Variants in AKAP19 observed in about 807,000 individuals in gnomAD.
The protein encoded by AKAP19 is small A-kinase anchoring protein.
chr2:190,057,399 T>C, the AKAP19 span: 2 of 1,613,568 alleles, frequency 1.2e-6, no homozygotes, highest in Admixed American at 1.7e-5. Flanking sequence ...TGGGGTTTGC[T>C]TGGTGTACCA....
the AKAP19 span, among the ~76,000 whole-genome samples, chr2:189,918,320 A>G: frequency 6.6e-6 from 1 of 151,958 alleles, no homozygotes; most frequent in African/African-American, 2.4e-5. Context: ...CTGGTTAGAG[A>G]ACTTTAGCTA....
At chr2:190,120,267 T>G in the AKAP19 span, among the ~76,000 whole-genome samples, 1 of 152,152 alleles carries the variant, frequency 6.6e-6, no homozygotes, top group African/African-American at 2.4e-5. Flanking sequence ...TCATCTGAGG[T>G]GTAAAAGTTT....
the AKAP19 span, among the ~76,000 whole-genome samples, chr2:189,976,829 C>T: frequency 7.2e-5 from 11 of 152,300 alleles, no homozygotes; most frequent in African/African-American, 1.4e-4. Context: ...GTTGGAAAAG[C>T]GCAGTATTAG....
chr2:190,019,514 G>C, the AKAP19 span, among the ~76,000 whole-genome samples: 1 of 151,978 alleles, frequency 6.6e-6, no homozygotes, highest in Non-Finnish European at 1.5e-5. Flanking sequence ...TGTATTGGCT[G>C]GTACCTCTGA....
chr2:190,084,690 TC>T, the AKAP19 span, among the ~76,000 whole-genome samples: 5 of 152,224 alleles, frequency 3.3e-5, no homozygotes, highest in Non-Finnish European at 7.3e-5. Flanking sequence ...GATTGTATTT[TC>T]CCAGAAAGTA....
chr2:190,088,575 A>G, the AKAP19 span, among the ~76,000 whole-genome samples: 9 of 152,242 alleles, frequency 5.9e-5, no homozygotes, highest in Non-Finnish European at 1.3e-4. Context: ...TTCCAAAAAT[A>G]AATTTGAGTC....
At chr2:190,126,323 A>AAAAAAAAAAAAAAC in the AKAP19 span, among the ~76,000 whole-genome samples, 1 of 141,670 alleles carries the variant, frequency 7.1e-6, no homozygotes, top group African/African-American at 2.6e-5. Flanking sequence ...AAAAAAAAAA[A>AAAAAAAAAAAAAAC]AGGTGTATAT....
the AKAP19 span, among the ~76,000 whole-genome samples, chr2:189,939,414 G>A: frequency 6.6e-6 from 1 of 150,816 alleles, no homozygotes; most frequent in Non-Finnish European, 1.5e-5. Flanking sequence ...CAACCTAGCA[G>A]TGGAAAAAAA....
the AKAP19 span, among the ~76,000 whole-genome samples, chr2:190,118,039 C>T: frequency 6.6e-6 from 1 of 152,160 alleles, no homozygotes; most frequent in African/African-American, 2.4e-5. Context: ...GGGGATATCA[C>T]CACCGATCCC....
the AKAP19 span, among the ~76,000 whole-genome samples, chr2:190,168,876 A>G: frequency 1.3e-5 from 2 of 152,094 alleles, no homozygotes; most frequent in African/African-American, 4.8e-5. Context: ...AGGAGTTCCA[A>G]ACTTTCTCAC....
At chr2:189,985,288 T>C in the AKAP19 span, among the ~76,000 whole-genome samples, 1 of 152,230 alleles carries the variant, frequency 6.6e-6, no homozygotes, top group Non-Finnish European at 1.5e-5. Flanking sequence ...TTGAGCTTTT[T>C]TTTCTGAGGA....
chr2:190,022,096 T>C, the AKAP19 span, among the ~76,000 whole-genome samples: 1 of 152,008 alleles, frequency 6.6e-6, no homozygotes, highest in African/African-American at 2.4e-5. Context: ...CATTAATCTA[T>C]GCATTAATTA....
At chr2:190,138,385 A>G in the AKAP19 span, among the ~76,000 whole-genome samples, 1 of 152,350 alleles carries the variant, frequency 6.6e-6, no homozygotes, top group South Asian at 2.1e-4. Flanking sequence ...TTGAAGGAGT[A>G]TACAGTAAGT....
At chr2:189,995,684 T>G in the AKAP19 span, among the ~76,000 whole-genome samples, 1 of 144,604 alleles carries the variant, frequency 6.9e-6, no homozygotes. Flanking sequence ...ACCTTGTGTG[T>G]TTTTTTTTTC....
At chr2:190,137,499 G>C in the AKAP19 span, among the ~76,000 whole-genome samples, 3 of 152,266 alleles carry the variant, frequency 2.0e-5, no homozygotes, top group South Asian at 6.2e-4. Context: ...GTAGCTTTCA[G>C]ACTTCTCCAA....
the AKAP19 span, chr2:190,200,191 GAATA>G: frequency 6.5e-7 from 1 of 1,549,178 alleles, no homozygotes; most frequent in East Asian, 2.3e-5. Context: ...GTGCTAGTTT[GAATA>G]AATGTGACAA....
the AKAP19 span, among the ~76,000 whole-genome samples, chr2:189,912,177 A>G: frequency 5.3e-5 from 8 of 151,974 alleles, no homozygotes; most frequent in Admixed American, 2.0e-4. Flanking sequence ...TTTTCATAGA[A>G]CCAATTCAGT....
At chr2:190,178,066 CA>C in the AKAP19 span, among the ~76,000 whole-genome samples, 2 of 152,150 alleles carry the variant, frequency 1.3e-5, no homozygotes, top group Non-Finnish European at 2.9e-5. This position sits in a 1 kb window ranked among gnomAD's most constrained non-coding sequence, Gnocchi z 6.3. Context: ...TCAGCACTTT[CA>C]AAATCCTGCA....
At chr2:189,945,547 TA>T in the AKAP19 span, among the ~76,000 whole-genome samples, 7 of 152,222 alleles carry the variant, frequency 4.6e-5, no homozygotes, top group African/African-American at 1.7e-4. Context: ...AGCCAAAGAC[TA>T]AAAAACTCTT....
Sources: allele counts gnomAD v4.1 joint callset (sites outside exome capture counted in the v4.1 genomes callset), GRCh38; gene constraint gnomAD v4.1.1; non-coding constraint Gnocchi (gnomAD v3.1); transcripts MANE v1.5; gene names NCBI Gene and HGNC (gene_info 2026-07-23, HGNC 2026-07-21).